Variants in SOX5 observed in about 807,000 individuals in gnomAD.
SOX5 encodes the protein SRY-box transcription factor 5, also known as transcription factor SOX-5.
A neutral mutation model predicts 92.0 loss-of-function variants in SOX5; 9 were observed. The observed-to-expected ratio is 0.10, with a 90% CI of 0.06 to 0.17. The LOEUF (loss-of-function observed/expected upper bound fraction) is 0.17. Ranked by LOEUF, SOX5 falls within the 10% of genes least tolerant of loss-of-function variation. The probability of loss-of-function intolerance (pLI) is 1.00; values close to 1 mark genes in which losing one functional copy is unlikely to be tolerated. For missense variants in SOX5, 642 were observed against 944.5 expected (o/e 0.68, Z 4.20); for synonymous variants, 344 against 336.3 (o/e 1.02, Z -0.25).
intron 1 of SOX5, among the ~76,000 whole-genome samples, chr12:24,511,350 C>A (rs1402048680): frequency 6.6e-6 from 1 of 152,234 alleles, no homozygotes; most frequent in Admixed American, 6.5e-5. Context: ...ACTTCTGTCA[C>A]TACAATACCC....
chr12:23,799,696 A>G (rs1469411854), intron 3 of SOX5, among the ~76,000 whole-genome samples: 2 of 152,078 alleles, frequency 1.3e-5, no homozygotes, highest in Admixed American at 6.6e-5. Context: ...TTGCCTCCAT[A>G]AAGTACACAA....
chr12:24,208,947 T>C (rs776576431), intron 4 of SOX5, among the ~76,000 whole-genome samples: 1 of 152,184 alleles, frequency 6.6e-6, no homozygotes, highest in Non-Finnish European at 1.5e-5. Flanking sequence ...TAGCAAGATT[T>C]GGCATGACAG....
At chr12:23,552,816 C>G (rs1379705319) in intron 11 of SOX5, among the ~76,000 whole-genome samples, 1 of 151,934 alleles carries the variant, frequency 6.6e-6, no homozygotes, top group Non-Finnish European at 1.5e-5. Context: ...ATTACAGATA[C>G]TGAAGAAGCA....
chr12:23,970,841 A>ATATATTTTTTTTTTTT lies in SOX5; in HGVS notation c.-1-74818_-1-74817insAAAAAAAAAAAATATA. On this transcript the variant is annotated intron_variant, in intron 4 of 4. Coordinates refer to the SOX5 transcript ENST00000446891. ...ACATGGGACTTTATATATATATATA[A>ATATATTTTTTTTTTTT]TTTTTTTTTTTTTTTAAGAAATGGG... is the stretch of plus-strand genomic sequence containing the variant. 9.1e-5 allele frequency among the ~76,000 whole-genome samples: 2 copies of ATATATTTTTTTTTTTT among 21,878 alleles called. 1 individual carries two copies. Among genetic ancestry groups the ATATATTTTTTTTTTTT allele is most frequent in the Non-Finnish European group, 2.1e-4 (2 of 9,706 alleles). 14.4% of individuals were successfully genotyped at this position (21,878 alleles called of 152,430 possible). A position where few individuals can be genotyped will look rare whatever the true frequency, so the allele number is the denominator to read the frequency against.
intron 3 of SOX5, among the ~76,000 whole-genome samples, chr12:23,792,841 T>C (rs1275493034): frequency 6.6e-6 from 1 of 151,986 alleles, no homozygotes; most frequent in Admixed American, 6.6e-5. Flanking sequence ...CAAAAAATAT[T>C]TTACTGTCCT....
At chr12:24,131,229 C>T (rs1949617817) in intron 4 of SOX5, among the ~76,000 whole-genome samples, 1 of 152,118 alleles carries the variant, frequency 6.6e-6, no homozygotes, top group Non-Finnish European at 1.5e-5. Context: ...ATATGCATAG[C>T]ATGTGTTTAG....
At chr12:24,432,129 T>C (rs1156673322) in intron 1 of SOX5, among the ~76,000 whole-genome samples, 1 of 152,174 alleles carries the variant, frequency 6.6e-6, no homozygotes, top group Admixed American at 6.5e-5. Context: ...GACACCTTAC[T>C]ATATATTTTC....
chr12:24,435,865 G>A (rs910076448), intron 1 of SOX5, among the ~76,000 whole-genome samples: 1 of 152,110 alleles, frequency 6.6e-6, no homozygotes, highest in Non-Finnish European at 1.5e-5. Context: ...TTTTGTTTCT[G>A]TGTCACAGTT....
At chr12:23,774,550 A>G (rs746757974) in intron 3 of SOX5, among the ~76,000 whole-genome samples, 10 of 152,224 alleles carry the variant, frequency 6.6e-5, no homozygotes, top group Non-Finnish European at 1.5e-4. Flanking sequence ...CTTAAAATAC[A>G]TGTATAAAAT....
intron 3 of SOX5, among the ~76,000 whole-genome samples, chr12:23,820,058 G>T (rs1344864425): frequency 6.6e-6 from 1 of 152,146 alleles, no homozygotes; most frequent in Non-Finnish European, 1.5e-5. Context: ...CAGTATAAAA[G>T]CGTTCCTATT....
intron 9 of SOX5, among the ~76,000 whole-genome samples, chr12:23,588,000 C>T (rs1349530773): frequency 6.6e-6 from 1 of 151,944 alleles, no homozygotes; most frequent in Non-Finnish European, 1.5e-5. Flanking sequence ...TAATGATAAC[C>T]TCAATAGAGT....
chr12:23,894,176 A>T (rs2097155402), intron 2 of SOX5, among the ~76,000 whole-genome samples: 1 of 152,158 alleles, frequency 6.6e-6, no homozygotes, highest in Non-Finnish European at 1.5e-5. Context: ...AAGAAGTGCT[A>T]TCAACACCAC....
chr12:24,216,197 A>C (rs1179926542), intron 3 of SOX5, among the ~76,000 whole-genome samples: 4 of 152,140 alleles, frequency 2.6e-5, no homozygotes, highest in Non-Finnish European at 5.9e-5. Flanking sequence ...AGAATAAAAA[A>C]TCCCGGCCGG....
intron 1 of SOX5, among the ~76,000 whole-genome samples, chr12:24,459,797 A>C (rs1270340593): frequency 6.6e-6 from 1 of 152,196 alleles, no homozygotes; most frequent in Non-Finnish European, 1.5e-5. Context: ...TATTTGAACT[A>C]TAAAAGAACT....
intron 1 of SOX5, among the ~76,000 whole-genome samples, chr12:23,942,507 G>A (rs900054965): frequency 1.3e-5 from 2 of 151,720 alleles, no homozygotes; most frequent in Non-Finnish European, 2.9e-5. Flanking sequence ...TTAACAACAG[G>A]CAACACAGGT....
chr12:23,876,585 C>G (rs2096929366), intron 2 of SOX5, among the ~76,000 whole-genome samples: 1 of 152,170 alleles, frequency 6.6e-6, no homozygotes, highest in East Asian at 1.9e-4. Context: ...CCTCAAGGAT[C>G]TAGAACCAGA....
At chr12:23,583,122 A>G (rs2136936562) in intron 9 of SOX5, among the ~76,000 whole-genome samples, 2 of 152,208 alleles carry the variant, frequency 1.3e-5, no homozygotes, top group Non-Finnish European at 2.9e-5. Context: ...ATTGCCTTGA[A>G]TTAATCCAAA....
At chr12:24,271,911 A>G (rs563244560) in intron 3 of SOX5, among the ~76,000 whole-genome samples, 98 of 152,196 alleles carry the variant, frequency 6.4e-4, no homozygotes, top group Non-Finnish European at 1.3e-3. Flanking sequence ...GCTCCTTTAT[A>G]AAGAGTATCT....
chr12:23,706,122 A>G (rs1567112243), intron 6 of SOX5, among the ~76,000 whole-genome samples: 1 of 152,114 alleles, frequency 6.6e-6, no homozygotes, highest in Admixed American at 6.6e-5. Context: ...CCCAAGGGAC[A>G]TAATCCCTTG....
Sources: gnomAD v4.1 joint callset for allele counts (sites outside exome capture counted in the v4.1 genomes callset) on GRCh38, gnomAD v4.1.1 for gene constraint, MANE v1.5 for transcripts, NCBI Gene and HGNC (gene_info 2026-07-23, HGNC 2026-07-21) for gene names.